The following CNTN5 variants were observed in gnomAD, a reference collection of about 807,000 sequenced individuals.
CNTN5 encodes contactin-5.
In CNTN5, 77 loss-of-function variants were observed where a neutral mutation model predicts 129.1. That is an observed-to-expected ratio of 0.60 (90% CI 0.50 to 0.72). CNTN5 has a LOEUF of 0.72. Ranked by LOEUF, CNTN5 falls within the 30% of genes least tolerant of loss-of-function variation. CNTN5 has a pLI of 0.00. For missense variants in CNTN5, 1,478 were observed against 1,328.8 expected (o/e 1.11, Z -1.75); for synonymous variants, 509 against 465.6 (o/e 1.09, Z -1.20).
intron 1 of CNTN5, among the ~76,000 whole-genome samples, chr11:99,173,756 G>A (rs1275808489): frequency 6.6e-6 from 1 of 152,144 alleles, no homozygotes; most frequent in African/African-American, 2.4e-5. Flanking sequence ...AGGGAACATA[G>A]TCAAATTCCT....
At chr11:100,178,005 G>C (rs1948024162) in intron 13 of CNTN5, among the ~76,000 whole-genome samples, 1 of 152,100 alleles carries the variant, frequency 6.6e-6, no homozygotes, top group African/African-American at 2.4e-5. Context: ...GTCCTGTACA[G>C]AGAAAATAGG....
At chr11:99,717,629 G>C (rs936447819) in intron 3 of CNTN5, among the ~76,000 whole-genome samples, 12 of 151,956 alleles carry the variant, frequency 7.9e-5, no homozygotes, top group Admixed American at 7.9e-4. Context: ...AGCCACATTT[G>C]TGTAATTAAA....
intron 3 of CNTN5, among the ~76,000 whole-genome samples, chr11:99,757,566 C>A (rs1156622865): frequency 1.3e-5 from 2 of 152,000 alleles, no homozygotes; most frequent in Admixed American, 1.3e-4. Context: ...CTATAAGTGC[C>A]CCACCCTAAG....
In CNTN5 at chr11:100,147,552, G is replaced by A. The variant is rs17093379; in HGVS notation, c.1581-43574G>A. Among the ~76,000 whole-genome samples, 624 of 152,104 alleles carry A rather than the reference G, an allele frequency of 4.1e-3. 13 individuals carry two copies. The highest frequency in any genetic ancestry group is 0.033 in the Admixed American group (497 of 15,262). The stretch of plus-strand genomic sequence containing the variant: ...TGGGTCAGTTCTGCTCGGAAGCCGC[G>A]ATTTATACACACGTCTCCACCATTT... On this transcript the variant is annotated intron_variant, in intron 13 of 24. Coordinates refer to ENST00000524871, the MANE Select transcript of CNTN5 (RefSeq NM_014361.4).
At chr11:99,920,951 A>C (rs1482287216) in intron 7 of CNTN5, among the ~76,000 whole-genome samples, 1 of 152,008 alleles carries the variant, frequency 6.6e-6, no homozygotes, top group Non-Finnish European at 1.5e-5. Flanking sequence ...TTGGGCCTTT[A>C]TGATAAGATT....
chr11:99,942,547 T>C (rs910848734), intron 7 of CNTN5, among the ~76,000 whole-genome samples: 7 of 152,122 alleles, frequency 4.6e-5, no homozygotes, highest in African/African-American at 1.4e-4. Flanking sequence ...AGTTCTGGGA[T>C]ACATGTGCAG....
At chr11:99,220,246 G>T (rs1238589348) in intron 1 of CNTN5, among the ~76,000 whole-genome samples, 1 of 151,954 alleles carries the variant, frequency 6.6e-6, no homozygotes, top group Non-Finnish European at 1.5e-5. Flanking sequence ...TTGCTAACTT[G>T]AAATAAAACA....
rs544373059 is a variant in CNTN5, at chr11:99,762,405, C to T, written c.56-57139C>T. 1.3e-4 allele frequency among the ~76,000 whole-genome samples: 19 copies of T among 151,920 alleles called. No individual in the cohort carries two copies. In the South Asian group the frequency reaches 2.7e-3, roughly 22 times the overall value. ...AGGGTTTTTATGGTTTTAGGTCTAA[C>T]GTTTAAGTCTTTAATCCATCTTGAA... On this transcript the variant is annotated intron_variant, in intron 3 of 24. Coordinates refer to ENST00000524871, the MANE Select transcript of CNTN5 (RefSeq NM_014361.4).
At chr11:99,620,027 A>AAAAAAAAAAAAAAGACCAAAAAG (rs1555049924) in intron 3 of CNTN5, among the ~76,000 whole-genome samples, 1 of 129,046 alleles carries the variant, frequency 7.7e-6, no homozygotes, top group Non-Finnish European at 1.6e-5. Context: ...CTCCGTCTCA[A>AAAAAAAAAAAAAAGACCAAAAAG]AAAAAAAAAA....
At position 99,066,297 on chromosome 11, in the gene CNTN5, T is replaced by C. The variant is rs966811758; in HGVS notation, c.-210+45027T>C. 3.3e-5 allele frequency among the ~76,000 whole-genome samples: 5 copies of C among 152,048 alleles called. No homozygotes were observed. In the South Asian group the frequency reaches 8.3e-4, roughly 25 times the overall value. The stretch of plus-strand genomic sequence containing the variant: ...TTTTTGTATTTTACTGGAGATGGGG[T>C]TTCACCATGTTGCCCAGGGTGGTCT... On this transcript the variant is annotated intron_variant, in intron 1 of 24. Coordinates refer to ENST00000524871, the MANE Select transcript of CNTN5 (RefSeq NM_014361.4).
chr11:100,088,064 A>G (rs1362531363), intron 13 of CNTN5, among the ~76,000 whole-genome samples: 1 of 151,982 alleles, frequency 6.6e-6, no homozygotes, highest in Admixed American at 6.6e-5. Context: ...CTTTGAAATA[A>G]ATGAAGAGAC....
chr11:99,432,684 T>C (rs1247805582), intron 2 of CNTN5, among the ~76,000 whole-genome samples: 1 of 151,756 alleles, frequency 6.6e-6, no homozygotes, highest in Non-Finnish European at 1.5e-5. Context: ...AAGTCTTTGC[T>C]GGAATGAAGA....
intron 1 of CNTN5, among the ~76,000 whole-genome samples, chr11:99,272,440 G>A (rs1248740880): frequency 6.6e-6 from 1 of 151,446 alleles, no homozygotes; most frequent in African/African-American, 2.4e-5. Context: ...TTAGCCACAG[G>A]GTCTTGCTGT....
chr11:99,663,288 T>G lies in CNTN5; in HGVS notation c.55+107019T>G, dbSNP rs868330780. Among the ~76,000 whole-genome samples the G allele has an allele frequency of 3.9e-5, 6 of 152,186 alleles. No individual in the cohort carries two copies. The South Asian group carries it at 8.3e-4, about 21-fold the overall frequency. On this transcript the variant is annotated intron_variant, in intron 3 of 24. Transcript: ENST00000524871. ...TTCGAGACCAGCCTGGCCAACATGG[T>G]GAAACCTTGTCTGTACTAAAAATAC... is the stretch of plus-strand genomic sequence containing the variant.
intron 6 of CNTN5, among the ~76,000 whole-genome samples, chr11:99,848,376 C>G (rs1947769217): frequency 6.6e-6 from 1 of 152,018 alleles, no homozygotes; most frequent in Non-Finnish European, 1.5e-5. Context: ...TTACTTTTGT[C>G]ACATTTTAAA....
chr11:99,900,024 G>T (rs61911643), intron 6 of CNTN5, among the ~76,000 whole-genome samples: 2 of 151,458 alleles, frequency 1.3e-5, no homozygotes, highest in Admixed American at 1.3e-4. Context: ...CGTTCATAAA[G>T]GTCATCATAC....
chr11:99,877,136 A>G (rs1948654117), intron 6 of CNTN5, among the ~76,000 whole-genome samples: 1 of 152,164 alleles, frequency 6.6e-6, no homozygotes, highest in Non-Finnish European at 1.5e-5. Context: ...TGGATTTTTA[A>G]TACCCTTTGG....
At chr11:99,902,301 C>T (rs769727917) in intron 6 of CNTN5, among the ~76,000 whole-genome samples, 3 of 149,192 alleles carry the variant, frequency 2.0e-5, no homozygotes, top group Non-Finnish European at 3.0e-5. Context: ...AATAACACTT[C>T]ATCACATGTT....
chr11:100,122,082 G>T (rs1946043335), intron 13 of CNTN5, among the ~76,000 whole-genome samples: 1 of 151,912 alleles, frequency 6.6e-6, no homozygotes, highest in South Asian at 2.1e-4. Context: ...GAAGTCCCAG[G>T]GCAGGCTATC....
Sources: gnomAD v4.1 joint callset for allele counts (sites outside exome capture counted in the v4.1 genomes callset) on GRCh38, gnomAD v4.1.1 for gene constraint, MANE v1.5 for transcripts, NCBI Gene and HGNC (gene_info 2026-07-23, HGNC 2026-07-21) for gene names.